The following SLC6A6 variants were observed in gnomAD, a reference collection of about 807,000 sequenced individuals.
SLC6A6 encodes the protein solute carrier family 6 member 6.
SLC6A6 carries 16 observed loss-of-function variants against 68.8 expected under a neutral mutation model. That is an observed-to-expected ratio of 0.23 (90% CI 0.16 to 0.35). The LOEUF (loss-of-function observed/expected upper bound fraction) is 0.35. Ranked by LOEUF, SLC6A6 falls within the 10% of genes least tolerant of loss-of-function variation. The probability of loss-of-function intolerance (pLI) is 1.00; values close to 1 mark genes in which losing one functional copy is unlikely to be tolerated. For missense variants in SLC6A6, 474 were observed against 802.8 expected, an observed-to-expected ratio of 0.59 and a Z score of 4.95; for synonymous variants, 312 against 315.4, an observed-to-expected ratio of 0.99 and a Z score of 0.12.
Position 14,489,090 on chromosome 3 carries a change from A to G in SLC6A6, c.*4083A>G, listed in dbSNP as rs1037873488. The G allele has an allele frequency of 1.3e-5, 2 of 152,544 alleles. No individual in the cohort carries two copies. Among genetic ancestry groups the G allele is most frequent in the South Asian group, 2.1e-4 (1 of 4,830 alleles). The allele number at this position is 152,544 out of a possible 1,614,324, so 9.4% of individuals were successfully genotyped here. A position where few individuals can be genotyped will look rare whatever the true frequency, so the allele number is the denominator to read the frequency against. ...TATTTTAAACTTTTATAAAAAAAAA[A>G]TCAACCAACAAGAGACTTTTCTGAG... On this transcript the variant is annotated 3_prime_UTR_variant, in exon 15 of 15. Coordinates refer to ENST00000622186, the MANE Select transcript of SLC6A6 (RefSeq NM_003043.6).
intron 2 of SLC6A6, among the ~76,000 whole-genome samples, chr3:14,439,757 G>T (rs1171405741): frequency 1.3e-5 from 2 of 152,186 alleles, no homozygotes; most frequent in Non-Finnish European, 2.9e-5. Context: ...GACCACTTGT[G>T]TGTGTGTGAG....
At chr3:14,446,511 A>G (rs1220505681) in intron 4 of SLC6A6, among the ~76,000 whole-genome samples, 1 of 152,164 alleles carries the variant, frequency 6.6e-6, no homozygotes, top group Non-Finnish European at 1.5e-5. Flanking sequence ...GTTTCATGCA[A>G]TATTCTTCTG....
intron 1 of SLC6A6, among the ~76,000 whole-genome samples, chr3:14,415,546 AAT>A (rs1324828914): frequency 2.0e-5 from 3 of 152,202 alleles, no homozygotes; most frequent in Non-Finnish European, 4.4e-5. Flanking sequence ...GTTCATTGAA[AAT>A]ATCTCATTTG....
chr3:14,459,277 C>T (rs1414625952), intron 6 of SLC6A6, among the ~76,000 whole-genome samples: 1 of 152,218 alleles, frequency 6.6e-6, no homozygotes, highest in Non-Finnish European at 1.5e-5. Context: ...GGGCAGTGAC[C>T]TTAGCTGCCC....
intron 14 of SLC6A6, among the ~76,000 whole-genome samples, chr3:14,484,061 T>G (rs535592143): frequency 6.6e-6 from 1 of 152,318 alleles, no homozygotes; most frequent in Non-Finnish European, 1.5e-5. Flanking sequence ...GGCTTGTTGT[T>G]TTGTTTGTTT....
At chr3:14,439,846 C>G (rs1379220403) in intron 2 of SLC6A6, among the ~76,000 whole-genome samples, 1 of 152,112 alleles carries the variant, frequency 6.6e-6, no homozygotes, top group African/African-American at 2.4e-5. Flanking sequence ...AGGGTGTCCT[C>G]TGAGGTCAGA....
chr3:14,412,813 T>A (rs1261387869), intron 1 of SLC6A6, among the ~76,000 whole-genome samples: 1 of 152,216 alleles, frequency 6.6e-6, no homozygotes, highest in Admixed American at 6.5e-5. Context: ...CGTCAACTCC[T>A]CTTCTTAATC....
chr3:14,451,628 T>C (rs2124957949), intron 5 of SLC6A6, among the ~76,000 whole-genome samples: 1 of 152,308 alleles, frequency 6.6e-6, no homozygotes, highest in Middle Eastern at 3.4e-3. Flanking sequence ...ATGTGATTTT[T>C]GGACATTCCT....
chr3:14,430,745 C>T (rs1448911254), intron 2 of SLC6A6, among the ~76,000 whole-genome samples: 1 of 152,232 alleles, frequency 6.6e-6, no homozygotes, highest in Non-Finnish European at 1.5e-5. Flanking sequence ...TCCACTGTAT[C>T]CCACCAAGTT....
chr3:14,458,227 A>C (rs1484147034), intron 6 of SLC6A6, 145 bp downstream of exon 6: 2 of 689,682 alleles, frequency 2.9e-6, no homozygotes, highest in Non-Finnish European at 5.0e-6. Flanking sequence ...TCTGGAAAAA[A>C]GTAAAACTCA....
At chr3:14,457,481 A>T (rs987221353) in intron 5 of SLC6A6, among the ~76,000 whole-genome samples, 2 of 152,194 alleles carry the variant, frequency 1.3e-5, no homozygotes, top group African/African-American at 2.4e-5. Context: ...ATAATAAGGG[A>T]CAATATTGGG....
At chr3:14,431,131 T>C (rs1347379089) in intron 2 of SLC6A6, among the ~76,000 whole-genome samples, 2 of 152,232 alleles carry the variant, frequency 1.3e-5, no homozygotes, top group African/African-American at 4.8e-5. Context: ...GGTGTTCATC[T>C]GTAGAGTTTT....
At position 14,472,091 on chromosome 3, in the gene SLC6A6, C is replaced by G; in HGVS notation, c.1097-114C>G. ...TCTTTCCCCAGGCCAGAGTTCAGAC[C>G]TGGCTCCCTGCTGTATTTGGGTCTG... is the stretch of plus-strand genomic sequence containing the variant. On this transcript the variant is annotated intron_variant, in intron 9 of 14. Transcript: ENST00000622186. This position sits in a 1 kb window ranked among gnomAD's most constrained non-coding sequence, Gnocchi z 4.5. 1 of 673,354 alleles carries G rather than the reference C, an allele frequency of 1.5e-6. No homozygotes were observed. Among genetic ancestry groups the G allele is most frequent in the Non-Finnish European group, 2.7e-6 (1 of 372,788 alleles). 41.7% of individuals were successfully genotyped at this position (673,354 alleles called of 1,614,324 possible).
At chr3:14,437,930 C>T (rs944669490) in intron 2 of SLC6A6, among the ~76,000 whole-genome samples, 1 of 151,498 alleles carries the variant, frequency 6.6e-6, no homozygotes, top group South Asian at 2.1e-4. Context: ...CGGATTCCAG[C>T]GATTCTTCTG....
Position 14,443,611 on chromosome 3 carries a change from T to C in SLC6A6, c.-11-13T>C. 5.2e-6 allele frequency: 8 copies of C among 1,549,004 alleles called. No homozygotes were observed. The highest frequency in any genetic ancestry group is 6.2e-6 in the Non-Finnish European group (7 of 1,125,148). ...TCATCAGCTGCAGGATGCTTCTCTT[T>C]TGTCCCCCATAGAAAGCAAGGAGAT... On this transcript the variant is annotated splice_polypyrimidine_tract_variant and intron_variant, in intron 2 of 14. Coordinates refer to ENST00000622186, the MANE Select transcript of SLC6A6 (RefSeq NM_003043.6).
rs561339678 is a variant in SLC6A6, at chr3:14,463,228, G to A, written c.733-3288G>A. Among the ~76,000 whole-genome samples the A allele has an allele frequency of 3.9e-5, 6 of 152,330 alleles. No homozygotes were observed. In the East Asian group the frequency reaches 1.2e-3, roughly 29 times the overall value. On this transcript the variant is annotated intron_variant, in intron 6 of 14. Transcript: ENST00000622186. ...TCCACCACCAGTAACTGTGATTGCA[G>A]GCAGGTGCCCCCACCTCTCTGGGCA...
intron 1 of SLC6A6, among the ~76,000 whole-genome samples, chr3:14,414,876 G>C (rs1038152477): frequency 6.6e-6 from 1 of 152,118 alleles, no homozygotes; most frequent in African/African-American, 2.4e-5. Flanking sequence ...TCTTGTAATT[G>C]GTAAGGTTTT....
chr3:14,482,924 AC>A (rs1250327053), intron 14 of SLC6A6, among the ~76,000 whole-genome samples: 1 of 152,144 alleles, frequency 6.6e-6, no homozygotes, highest in African/African-American at 2.4e-5. Context: ...AGGTGACCCC[AC>A]AATACTCCAG....
intron 1 of SLC6A6, among the ~76,000 whole-genome samples, chr3:14,410,023 T>A (rs1699209256): frequency 6.6e-6 from 1 of 151,972 alleles, no homozygotes; most frequent in Non-Finnish European, 1.5e-5. Flanking sequence ...CCATTTCTAC[T>A]AAAAATACAA....
Sources: allele counts gnomAD v4.1 joint callset (sites outside exome capture counted in the v4.1 genomes callset), GRCh38; gene constraint gnomAD v4.1.1; non-coding constraint Gnocchi (gnomAD v3.1); transcripts MANE v1.5; gene names NCBI Gene and HGNC (gene_info 2026-07-23, HGNC 2026-07-21).